The following PRKN variants were observed in gnomAD, a reference collection of about 807,000 sequenced individuals.
The protein encoded by PRKN is E3 ubiquitin-protein ligase parkin.
In PRKN, 56 loss-of-function variants were observed where a neutral mutation model predicts 59.5. The ratio of observed to expected loss-of-function variants is 0.94; its 90% CI spans 0.76 to 1.18. PRKN has a LOEUF of 1.18. Ranked by LOEUF, PRKN falls within the 50% of genes most tolerant of loss-of-function variation. The probability of loss-of-function intolerance (pLI) is 0.00; values close to 1 mark genes in which losing one functional copy is unlikely to be tolerated. For synonymous variants in PRKN, 250 were observed against 222.1 expected, an observed-to-expected ratio of 1.13 and a Z score of -1.12; for missense variants, 657 against 596.4, an observed-to-expected ratio of 1.10 and a Z score of -1.06.
At chr6:162,473,750 A>G (rs1349047095) in intron 1 of PRKN, among the ~76,000 whole-genome samples, 1 of 152,178 alleles carries the variant, frequency 6.6e-6, no homozygotes, top group African/African-American at 2.4e-5. Flanking sequence ...AACGGCTACT[A>G]TATTGGCAGA....
chr6:162,426,351 C>T (rs1789237745), intron 2 of PRKN, among the ~76,000 whole-genome samples: 2 of 152,212 alleles, frequency 1.3e-5, no homozygotes, highest in Admixed American at 1.3e-4. Context: ...GAATACACAA[C>T]AGGTGATCCC....
At chr6:161,618,679 T>C (rs12210797) in intron 7 of PRKN, among the ~76,000 whole-genome samples, 56,473 of 152,012 alleles carry the variant, frequency 0.37, 10,930 homozygotes, top group Middle Eastern at 0.47. Context: ...CCATAAGAGC[T>C]GCCCCAAGAC....
chr6:162,236,724 C>T (rs1315933216), intron 3 of PRKN, among the ~76,000 whole-genome samples: 2 of 151,582 alleles, frequency 1.3e-5, no homozygotes, highest in African/African-American at 2.4e-5. Flanking sequence ...GAACCTGGGA[C>T]GCAGAGGTTG....
chr6:161,544,193 C>T lies in PRKN; in HGVS notation c.1083+4661G>A, dbSNP rs73017374. On this transcript the variant is annotated intron_variant, in intron 9 of 11. Coordinates refer to ENST00000366898, the MANE Select transcript of PRKN (RefSeq NM_004562.3). The surrounding 1 kb of genome is among the most constrained non-coding windows in gnomAD (Gnocchi z 5.5). ...TATCAGAATGTACTCTTTACTTGGC[C>T]GTGTATGTAGCCTTTGATAGAGCAC... Among the ~76,000 whole-genome samples, 340 of 152,236 alleles carry T rather than the reference C, an allele frequency of 2.2e-3. No individual in the cohort carries two copies. The highest frequency in any genetic ancestry group is 4.2e-3 in the Non-Finnish European group (285 of 68,032).
rs1784800234 is a variant in PRKN at position 161,357,352 on chromosome 6, TC to T, written c.1285+2735del. ...CCGGTGTGAGCCACCACTCCCAGCC[TC>T]GCTGACCACTTCTTATCTTGCAAAC... On this transcript the variant is annotated intron_variant, in intron 11 of 11. Coordinates refer to ENST00000366898, the MANE Select transcript of PRKN (RefSeq NM_004562.3). The surrounding 1 kb of genome is among the most constrained non-coding windows in gnomAD (Gnocchi z 5.5). 6.6e-6 allele frequency among the ~76,000 whole-genome samples: 1 copy of T among 152,130 alleles called. No individual in the cohort carries two copies. Among genetic ancestry groups the T allele is most frequent in the Non-Finnish European group, 1.5e-5 (1 of 68,022 alleles).
At chr6:162,712,986 G>A (rs2128238996) in intron 1 of PRKN, among the ~76,000 whole-genome samples, 1 of 152,332 alleles carries the variant, frequency 6.6e-6, no homozygotes, top group South Asian at 2.1e-4. Context: ...ACACTAGAGT[G>A]TGGAGGAGAA....
rs189591834 is a variant in PRKN, at chr6:161,370,160, G to A, written c.1168-9955C>T. ...TTTAAAAACACAAGTATGGGAGGCC[G>A]AGGCAGGAGGAACACTTGAGTCTAG... is the stretch of plus-strand genomic sequence containing the variant. On this transcript the variant is annotated intron_variant, in intron 10 of 11. Coordinates refer to ENST00000366898, the MANE Select transcript of PRKN (RefSeq NM_004562.3). Among the ~76,000 whole-genome samples, 104 of 152,142 alleles carry A rather than the reference G, an allele frequency of 6.8e-4. 1 individual carries two copies. In the East Asian group the frequency reaches 0.015, roughly 22 times the overall value.
At chr6:162,334,904 G>A (rs996587296) in intron 2 of PRKN, among the ~76,000 whole-genome samples, 1 of 152,164 alleles carries the variant, frequency 6.6e-6, no homozygotes, top group African/African-American at 2.4e-5. Flanking sequence ...AGTCACTGCA[G>A]ATGTGGTAAA....
intron 6 of PRKN, among the ~76,000 whole-genome samples, chr6:161,873,933 A>C (rs1456575297): frequency 8.2e-6 from 1 of 121,216 alleles, no homozygotes; most frequent in African/African-American, 3.8e-5. Context: ...AAAATATATA[A>C]TATATATAAA....
intron 2 of PRKN, among the ~76,000 whole-genome samples, chr6:162,284,516 A>T: frequency 6.6e-6 from 1 of 151,672 alleles, no homozygotes; most frequent in East Asian, 1.9e-4. Context: ...GAGCCACCGC[A>T]CCCGGCCATA....
intron 3 of PRKN, among the ~76,000 whole-genome samples, chr6:162,244,945 A>G (rs1180030905): frequency 6.6e-6 from 1 of 152,126 alleles, no homozygotes; most frequent in East Asian, 1.9e-4. Context: ...GAGATAATGT[A>G]AGTGTAAATG....
At chr6:162,069,638 C>T (rs944513316) in intron 4 of PRKN, among the ~76,000 whole-genome samples, 2 of 152,126 alleles carry the variant, frequency 1.3e-5, no homozygotes, top group South Asian at 2.1e-4. Context: ...AACTAAAAGG[C>T]TCACTACGGT....
intron 6 of PRKN, among the ~76,000 whole-genome samples, chr6:161,873,437 C>T (rs1794425876): frequency 1.3e-5 from 2 of 151,992 alleles, no homozygotes; most frequent in South Asian, 4.2e-4. Context: ...ACCACCCCGA[C>T]ACCCAGCTTT....
rs1386067325 is a variant in PRKN at position 161,419,394 on chromosome 6, T to G, written c.1084-32517A>C. Among the ~76,000 whole-genome samples the G allele has an allele frequency of 8.0e-5, 4 of 50,032 alleles. No homozygotes were observed. In the Admixed American group the frequency reaches 8.4e-4, roughly 11 times the overall value. The allele number at this position is 50,032 out of a possible 152,430, so 32.8% of individuals were successfully genotyped here. On this transcript the variant is annotated intron_variant, in intron 9 of 11. Coordinates refer to ENST00000366898, the MANE Select transcript of PRKN (RefSeq NM_004562.3). This position sits in a 1 kb window ranked among gnomAD's most constrained non-coding sequence, Gnocchi z 4.1. ...CCTTTCCTTTTTTCTTTTTTCTTCT[T>G]CTTTTTTTTTTTAAATGGAGTCTCG...
At chr6:162,078,005 A>G (rs1419843358) in intron 4 of PRKN, among the ~76,000 whole-genome samples, 9 of 5,844 alleles carry the variant, frequency 1.5e-3, no homozygotes, top group Middle Eastern at 0.062. Flanking sequence ...TCTCTCTAAA[A>G]AAAAAAAAAA....
intron 3 of PRKN, among the ~76,000 whole-genome samples, chr6:162,235,977 G>GAAAGAAAGAAAGAAAGAAAGAA (rs1562602479): frequency 1.8e-5 from 2 of 111,552 alleles, no homozygotes; most frequent in African/African-American, 8.9e-5. Context: ...AAGAAAGAAA[G>GAAAGAAAGAAAGAAAGAAAGAA]AAAGAAAGAA....
At chr6:161,875,383 G>C (rs1026694490) in intron 6 of PRKN, among the ~76,000 whole-genome samples, 3 of 151,346 alleles carry the variant, frequency 2.0e-5, no homozygotes, top group Non-Finnish European at 4.4e-5. Flanking sequence ...TTGTAGAGAC[G>C]GGGTTTCATC....
chr6:162,241,070 T>C lies in PRKN; in HGVS notation c.412+21455A>G, dbSNP rs190435543. 2.7e-4 allele frequency among the ~76,000 whole-genome samples: 41 copies of C among 152,320 alleles called. No homozygotes were observed. The East Asian group carries it at 7.5e-3, about 28-fold the overall frequency. ...AATGTTAGAAATTTAAATTAGAAAATGTATGTTAAAGTTGATTAAAACTTA... is the reference window on the plus strand; with the variant it reads ...AATGTTAGAAATTTAAATTAGAAAACGTATGTTAAAGTTGATTAAAACTTA... On this transcript the variant is annotated intron_variant, in intron 3 of 11. Transcript: ENST00000366898.
At chr6:162,518,083 A>G (rs922408207) in intron 1 of PRKN, among the ~76,000 whole-genome samples, 2 of 152,184 alleles carry the variant, frequency 1.3e-5, no homozygotes, top group African/African-American at 4.8e-5. Flanking sequence ...AGAGCTTACA[A>G]TGCATTCTCC....
Sources: gnomAD v4.1 joint callset for allele counts (sites outside exome capture counted in the v4.1 genomes callset) on GRCh38, gnomAD v4.1.1 for gene constraint, Gnocchi (gnomAD v3.1) non-coding constraint, MANE v1.5 for transcripts, NCBI Gene and HGNC (gene_info 2026-07-23, HGNC 2026-07-21) for gene names.